LPP: variants seen among roughly 807,000 people sequenced by gnomAD.
LPP encodes LIM domain containing preferred translocation partner in lipoma, also known as lipoma-preferred partner.
Under a neutral mutation model 60.4 loss-of-function variants are expected in LPP, and 38 were observed. The ratio of observed to expected loss-of-function variants is 0.63; its 90% confidence interval spans 0.49 to 0.83. LPP has a LOEUF of 0.83. Among genes scored for constraint, LPP ranks in the 40% least tolerant of loss-of-function variants. The pLI, the probability that LPP is intolerant of heterozygous loss-of-function variation, is 0.00. For synonymous variants in LPP, 328 were observed against 290.8 expected, an observed-to-expected ratio of 1.13 and a Z score of -1.30; for missense variants, 902 against 783.6, an observed-to-expected ratio of 1.15 and a Z score of -1.80.
At chr3:188,310,507 G>A (rs1753073971) in intron 2 of LPP, among the ~76,000 whole-genome samples, 1 of 152,158 alleles carries the variant, frequency 6.6e-6, no homozygotes, top group African/African-American at 2.4e-5. Flanking sequence ...TGAAATAATT[G>A]TTGAGGGAGA....
chr3:188,252,929 A>G (rs1271861568), intron 2 of LPP, among the ~76,000 whole-genome samples: 1 of 151,954 alleles, frequency 6.6e-6, no homozygotes, highest in Non-Finnish European at 1.5e-5. Context: ...ATGTCACCAT[A>G]CCAAGCTAAT....
chr3:188,222,991 A>G lies in LPP; in HGVS notation c.-189-2414A>G, dbSNP rs552091773. 4.6e-5 allele frequency among the ~76,000 whole-genome samples: 7 copies of G among 152,290 alleles called. No individual in the cohort carries two copies. In the East Asian group the frequency reaches 9.6e-4, roughly 21 times the overall value. Reference sequence around the variant, plus strand: ...TCTTCTTCTGCCATTTATGGGCAACATGTGGAAGAGGTGGCAGGGAGCTGG... The same window carrying G: ...TCTTCTTCTGCCATTTATGGGCAACGTGTGGAAGAGGTGGCAGGGAGCTGG... On this transcript the variant is annotated intron_variant, in intron 1 of 11. Transcript: ENST00000617246.
intron 1 of LPP, among the ~76,000 whole-genome samples, chr3:188,181,352 C>CAA (rs11330297): frequency 2.7e-5 from 3 of 111,550 alleles, no homozygotes; most frequent in Non-Finnish European, 3.7e-5. Flanking sequence ...AATTCCGTCT[C>CAA]AAAAAAAAAA....
intron 1 of LPP, among the ~76,000 whole-genome samples, chr3:188,206,622 A>G (rs1733302399): frequency 6.6e-6 from 1 of 152,200 alleles, no homozygotes; most frequent in Non-Finnish European, 1.5e-5. Flanking sequence ...CAAGATTGTT[A>G]TGCATGCTAG....
rs374408127 is a variant in LPP at position 188,438,354 on chromosome 3, T to TTCACACACACACAC, written c.193+32041_193+32042insTCACACACACACAC. Among the ~76,000 whole-genome samples, 19 of 138,008 alleles carry TTCACACACACACAC rather than the reference T, an allele frequency of 1.4e-4. 2 individuals are homozygous for TTCACACACACACAC. In the South Asian group the frequency reaches 2.0e-3, roughly 15 times the overall value. 90.5% of individuals were successfully genotyped at this position (138,008 alleles called of 152,430 possible). On this transcript the variant is annotated intron_variant, in intron 4 of 11. Transcript: ENST00000617246. ...GTGTTCCAGACACTATTCCATGCATTACACACACACACACACACACACACA... is the reference window on the plus strand; with the variant it reads ...GTGTTCCAGACACTATTCCATGCATTTCACACACACACACACACACACACACACACACACACACA...
chr3:188,854,985 G>A (rs1763478080), intron 9 of LPP, among the ~76,000 whole-genome samples: 1 of 152,144 alleles, frequency 6.6e-6, no homozygotes, highest in Admixed American at 6.5e-5. Context: ...TCTGAAATGT[G>A]CAGGCAGGCA....
At chr3:188,332,419 A>C (rs1354500890) in intron 2 of LPP, among the ~76,000 whole-genome samples, 4 of 152,326 alleles carry the variant, frequency 2.6e-5, no homozygotes, top group South Asian at 4.1e-4. Flanking sequence ...TTAAAAGTTC[A>C]ATTAATTTCA....
At chr3:188,509,873 G>GTTT (rs35389820) in intron 5 of LPP, among the ~76,000 whole-genome samples, 1,843 of 110,994 alleles carry the variant, frequency 0.017, 113 homozygotes, top group African/African-American at 0.061. Context: ...TTTTTTTGTT[G>GTTT]TTTTTTTTTT....
chr3:188,292,414 A>C (rs1044209741), intron 2 of LPP, among the ~76,000 whole-genome samples: 1 of 152,220 alleles, frequency 6.6e-6, no homozygotes, highest in African/African-American at 2.4e-5. Flanking sequence ...TACACTCCAA[A>C]AAACAGAAGC....
At chr3:188,268,517 G>T (rs1209381544) in intron 2 of LPP, among the ~76,000 whole-genome samples, 1 of 152,214 alleles carries the variant, frequency 6.6e-6, no homozygotes, top group Non-Finnish European at 1.5e-5. Context: ...TTACAGCTTG[G>T]TGTTTTCCTT....
At chr3:188,385,555 AG>A (rs146849999) in intron 3 of LPP, among the ~76,000 whole-genome samples, 1,534 of 152,338 alleles carry the variant, frequency 0.01, 30 homozygotes, top group African/African-American at 0.035. Context: ...GACTGTACTT[AG>A]GTTCCATACT....
At chr3:188,837,922 A>C (rs181207019) in intron 9 of LPP, among the ~76,000 whole-genome samples, 2 of 151,916 alleles carry the variant, frequency 1.3e-5, no homozygotes, top group Admixed American at 6.6e-5. Flanking sequence ...GTAATTCAGG[A>C]GCCCTAGAAA....
intron 9 of LPP, among the ~76,000 whole-genome samples, chr3:188,804,795 G>A (rs61044243): frequency 0.25 from 37,159 of 151,606 alleles, 6,038 homozygotes; most frequent in East Asian, 0.8. Context: ...AGAAAACATT[G>A]AGTCTTTTGC....
chr3:188,504,487 T>C (rs1812878354), intron 5 of LPP, among the ~76,000 whole-genome samples: 1 of 152,204 alleles, frequency 6.6e-6, no homozygotes, highest in South Asian at 2.1e-4. Flanking sequence ...CCTGTTTCTT[T>C]GTATGTCTTT....
At chr3:188,394,446 C>T (rs1227474152) in intron 3 of LPP, among the ~76,000 whole-genome samples, 1 of 152,032 alleles carries the variant, frequency 6.6e-6, no homozygotes. Context: ...ATCTTGAGCT[C>T]CACATTAGAT....
intron 1 of LPP, among the ~76,000 whole-genome samples, chr3:188,172,556 G>GT (rs757684703): frequency 1.3e-4 from 19 of 151,650 alleles, no homozygotes; most frequent in South Asian, 2.1e-4. Flanking sequence ...AAATGATTGT[G>GT]TTTTTTTTGT....
At chr3:188,671,963 T>C (rs991172757) in intron 7 of LPP, among the ~76,000 whole-genome samples, 6 of 152,242 alleles carry the variant, frequency 3.9e-5, no homozygotes, top group Non-Finnish European at 7.3e-5. Flanking sequence ...GTATTCTTCA[T>C]TGGTTGCTAG....
At chr3:188,654,191 A>T (rs952370234) in intron 7 of LPP, among the ~76,000 whole-genome samples, 2 of 152,204 alleles carry the variant, frequency 1.3e-5, no homozygotes, top group African/African-American at 4.8e-5. Context: ...GCACAAATAC[A>T]CAAAACAAAA....
intron 6 of LPP, among the ~76,000 whole-genome samples, chr3:188,580,088 C>T (rs574273160): frequency 2.4e-4 from 36 of 152,128 alleles, no homozygotes; most frequent in Admixed American, 1.4e-3. Context: ...GTTTAAACCT[C>T]GGCTTATACA....
Sources: gnomAD v4.1 joint callset for allele counts (sites outside exome capture counted in the v4.1 genomes callset) on GRCh38, gnomAD v4.1.1 for gene constraint, MANE v1.5 for transcripts, NCBI Gene and HGNC (gene_info 2026-07-23, HGNC 2026-07-21) for gene names.